The following VIPR2 variants were observed in gnomAD, a reference collection of about 807,000 sequenced individuals.
VIPR2 encodes vasoactive intestinal polypeptide receptor 2.
VIPR2 carries 48 observed loss-of-function variants against 58.0 expected under a neutral mutation model. That is an observed-to-expected ratio of 0.83 (90% CI 0.66 to 1.05). The LOEUF (loss-of-function observed/expected upper bound fraction) is 1.05. Among genes scored for constraint, VIPR2 ranks in the 50% least tolerant of loss-of-function variants. The probability of loss-of-function intolerance (pLI) is 0.00; values close to 1 mark genes in which losing one functional copy is unlikely to be tolerated. For synonymous variants in VIPR2, 243 were observed against 235.2 expected (o/e 1.03, Z -0.30); for missense variants, 534 against 558.0 (o/e 0.96, Z 0.43).
intron 2 of VIPR2, among the ~76,000 whole-genome samples, chr7:159,118,781 C>T (rs960135381): frequency 3.3e-5 from 5 of 152,264 alleles, no homozygotes; most frequent in Admixed American, 6.5e-5. Context: ...ACCAGAACAA[C>T]GTGGCTCCCA....
chr7:159,051,147 C>G (rs959640304), intron 5 of VIPR2, among the ~76,000 whole-genome samples: 2 of 152,150 alleles, frequency 1.3e-5, no homozygotes, highest in Non-Finnish European at 2.9e-5. Context: ...GATGGAATCA[C>G]AAAATGCAGG....
intron 4 of VIPR2, among the ~76,000 whole-genome samples, chr7:159,101,843 C>T (rs1858278731): frequency 7.3e-6 from 1 of 136,550 alleles, no homozygotes; most frequent in Admixed American, 7.4e-5. Flanking sequence ...GTGAACGGGT[C>T]TCACGAGATC....
chr7:159,060,587 A>G (rs576579686), intron 4 of VIPR2, among the ~76,000 whole-genome samples: 2 of 150,722 alleles, frequency 1.3e-5, no homozygotes, highest in Non-Finnish European at 3.0e-5. Context: ...TACTCACTTT[A>G]TCTAGCCACC....
intron 2 of VIPR2, chr7:159,117,421 G>C (rs1263693951): frequency 2.8e-6 from 2 of 717,308 alleles, no homozygotes; most frequent in Non-Finnish European, 5.2e-6. Context: ...GAACAGACAG[G>C]ATAACAGTGA....
intron 5 of VIPR2, among the ~76,000 whole-genome samples, chr7:159,049,932 T>C (rs1197876274): frequency 6.6e-6 from 1 of 152,112 alleles, no homozygotes; most frequent in African/African-American, 2.4e-5. Context: ...ATTCAAATCC[T>C]CTGCAGCAAG....
intron 8 of VIPR2, among the ~76,000 whole-genome samples, chr7:159,035,097 C>T (rs1046064192): frequency 5.9e-5 from 9 of 152,220 alleles, no homozygotes; most frequent in South Asian, 2.1e-4. Flanking sequence ...TGATTTTCAG[C>T]GCATGGGGTG....
At chr7:159,035,904 G>C in intron 8 of VIPR2, 48 bp downstream of exon 8, 2 of 1,597,276 alleles carry the variant, frequency 1.3e-6, no homozygotes, top group Non-Finnish European at 1.7e-6. Flanking sequence ...CATGTTGCCA[G>C]ATGTTGCCGG....
Position 159,109,801 on chromosome 7 carries a change from A to T in VIPR2, c.259+11T>A. ...CTGGAGGAGCTCAGGAACTCAACCG[A>T]CGGACAGTACCTGCTTTGCTGTAAA... On this transcript the variant is annotated intron_variant, in intron 3 of 12. Transcript: ENST00000262178. The T allele has an allele frequency of 6.2e-7, 1 of 1,613,602 alleles. No homozygotes were observed.
intron 8 of VIPR2, 143 bp downstream of exon 8, chr7:159,035,809 C>G (rs962782217): frequency 1.4e-6 from 2 of 1,435,166 alleles, no homozygotes; most frequent in Non-Finnish European, 1.8e-6. Context: ...CATGAATCGC[C>G]CAGATGCTTC....
rs1203220694 is a variant in VIPR2, at chr7:159,030,035, C to T, written c.*581G>A. 1 of 152,350 alleles carries T rather than the reference C, an allele frequency of 6.6e-6. No homozygotes were observed. The highest frequency in any genetic ancestry group is 1.5e-5 in the Non-Finnish European group (1 of 68,174). 9.4% of individuals were successfully genotyped at this position (152,350 alleles called of 1,614,324 possible). On this transcript the variant is annotated 3_prime_UTR_variant, in exon 13 of 13. Coordinates refer to ENST00000262178, the MANE Select transcript of VIPR2 (RefSeq NM_003382.5). ...GCTGGGCCACACAACTGCGTTTCCA[C>T]ATTTCCTCCTTGGCTCCCCTATTCT... is the stretch of plus-strand genomic sequence containing the variant.
intron 2 of VIPR2, among the ~76,000 whole-genome samples, chr7:159,129,750 C>T (rs1354902514): frequency 1.4e-5 from 2 of 143,718 alleles, no homozygotes; most frequent in Non-Finnish European, 3.1e-5. Context: ...GCCAGGTGAC[C>T]AGCTTCACAC....
chr7:159,087,175 G>T (rs1857224207), intron 4 of VIPR2, among the ~76,000 whole-genome samples: 1 of 145,304 alleles, frequency 6.9e-6, no homozygotes, highest in African/African-American at 2.6e-5. Flanking sequence ...ACAATACCCA[G>T]GACTCGGATA....
rs902186913 is a variant in VIPR2, at chr7:159,042,897, CCAGGCTCTCTGT to C, written c.597+126_597+137del. 2.4e-6 allele frequency: 3 copies of C among 1,235,436 alleles called. No individual in the cohort carries two copies. In the Admixed American group the frequency reaches 8.9e-5, roughly 37 times the overall value. 76.5% of individuals were successfully genotyped at this position (1,235,436 alleles called of 1,614,324 possible). A position where few individuals can be genotyped will look rare whatever the true frequency, so the allele number is the denominator to read the frequency against. ...GCCTGTTCTGGCCCCAGCCTCTCTG[CCAGGCTCTCTGT>C]TTCTCAGCCATGACCCTGTGCCCTG... On this transcript the variant is annotated intron_variant, in intron 6 of 12. Coordinates refer to ENST00000262178, the MANE Select transcript of VIPR2 (RefSeq NM_003382.5).
chr7:159,108,838 G>A (rs1795878480), intron 3 of VIPR2, among the ~76,000 whole-genome samples: 1 of 152,338 alleles, frequency 6.6e-6, no homozygotes, highest in East Asian at 1.9e-4. Flanking sequence ...ACTGATTGGA[G>A]GGAACAGTTC....
intron 3 of VIPR2, among the ~76,000 whole-genome samples, chr7:159,108,811 TGC>T (rs1795877126): frequency 6.6e-6 from 1 of 152,230 alleles, no homozygotes; most frequent in African/African-American, 2.4e-5. Flanking sequence ...CAGCCCAAGC[TGC>T]TCAGTAGAAA....
chr7:159,126,554 C>T (rs917067561), intron 2 of VIPR2, among the ~76,000 whole-genome samples: 2 of 152,140 alleles, frequency 1.3e-5, no homozygotes, highest in South Asian at 2.1e-4. Context: ...CTGGAATGCA[C>T]GGAGTACAGA....
rs148809353 is a variant in VIPR2, at chr7:159,044,940, A to G, written c.456-1764T>C. On this transcript the variant is annotated intron_variant, in intron 5 of 12. Coordinates refer to ENST00000262178, the MANE Select transcript of VIPR2 (RefSeq NM_003382.5). ...GCCACCATGACCAGCTAATTTTTGT[A>G]CTTTTAGTAGAGATGGGGTGGGGTT... Among the ~76,000 whole-genome samples, 493 of 152,142 alleles carry G rather than the reference A, an allele frequency of 3.2e-3. 2 individuals are homozygous for G. Among genetic ancestry groups the G allele is most frequent in the African/African-American group, 0.011 (464 of 41,504 alleles).
At chr7:159,104,004 C>A in intron 3 of VIPR2, 150 bp from the exon 4 acceptor site, 1 of 676,900 alleles carries the variant, frequency 1.5e-6, no homozygotes, top group Non-Finnish European at 2.6e-6. Context: ...AAAAAACCTT[C>A]CTTGCCCTCC....
chr7:159,140,710 G>A (rs1347495099), intron 2 of VIPR2, among the ~76,000 whole-genome samples: 2 of 152,216 alleles, frequency 1.3e-5, no homozygotes, highest in East Asian at 3.9e-4. Context: ...ATATGAACCC[G>A]CTCAAGCTGG....
Sources: allele counts gnomAD v4.1 joint callset (sites outside exome capture counted in the v4.1 genomes callset), GRCh38; gene constraint gnomAD v4.1.1; transcripts MANE v1.5; gene names NCBI Gene and HGNC (gene_info 2026-07-23, HGNC 2026-07-21).